The following SCIN variants were observed in gnomAD, a reference collection of about 807,000 sequenced individuals.
SCIN encodes the protein adseverin.
A neutral mutation model predicts 91.8 loss-of-function variants in SCIN; 91 were observed. The observed-to-expected ratio is 0.99, with a 90% CI of 0.84 to 1.18. SCIN has a LOEUF of 1.18. SCIN is among the 50% of genes most tolerant of loss of function. SCIN has a pLI of 0.00. For missense variants in SCIN, 1,087 were observed against 863.9 expected (o/e 1.26, Z -3.24); for synonymous variants, 367 against 312.6 (o/e 1.17, Z -1.84).
At chr7:12,578,363 A>G (rs1782418223) in intron 2 of SCIN, 145 bp downstream of exon 2, 1 of 634,570 alleles carries the variant, frequency 1.6e-6, no homozygotes, top group East Asian at 3.1e-5. Context: ...TCATGGATAT[A>G]TCCCCAGTAC....
At chr7:12,577,711 C>T (rs1035445037) in intron 1 of SCIN, 1 of 410,754 alleles carries the variant, frequency 2.4e-6, no homozygotes, top group Middle Eastern at 8.5e-4. Context: ...TGAGAATTAG[C>T]AAAGCATGGT....
intron 1 of SCIN, among the ~76,000 whole-genome samples, chr7:12,575,751 A>G: frequency 6.6e-6 from 1 of 151,884 alleles, no homozygotes; most frequent in African/African-American, 2.4e-5. Context: ...TGGAAATCAT[A>G]AGCAGATTCG....
intron 8 of SCIN, among the ~76,000 whole-genome samples, chr7:12,627,260 G>A (rs778779620): frequency 1.3e-4 from 20 of 151,964 alleles, no homozygotes; most frequent in Middle Eastern, 3.4e-3. Flanking sequence ...GACCCTTTCC[G>A]TCATCTTGGC....
At position 12,654,253 on chromosome 7, in the gene SCIN, A is replaced by G. The variant is rs1189070358; in HGVS notation, c.*1538A>G. 1 of 152,206 alleles carries G rather than the reference A, an allele frequency of 6.6e-6. No individual in the cohort carries two copies. Among genetic ancestry groups the G allele is most frequent in the Non-Finnish European group, 1.5e-5 (1 of 68,028 alleles). 9.4% of individuals were successfully genotyped at this position (152,206 alleles called of 1,614,324 possible). ...ATGGTAGAAGCTGCTGTCCCTTAGT[A>G]TTGAATATCTCTATTTTCTTTTAAT... On this transcript the variant is annotated 3_prime_UTR_variant, in exon 16 of 16. Transcript: ENST00000297029.
At chr7:12,604,466 T>C in intron 3 of SCIN, 48 bp from the exon 4 acceptor site, 1 of 1,505,342 alleles carries the variant, frequency 6.6e-7, no homozygotes, top group Non-Finnish European at 9.0e-7. Flanking sequence ...TGAGGCTGAA[T>C]GTCTTCCTCA....
intron 4 of SCIN, among the ~76,000 whole-genome samples, chr7:12,619,923 T>C (rs1042908144): frequency 5.9e-5 from 9 of 152,116 alleles, no homozygotes; most frequent in Non-Finnish European, 1.3e-4. Flanking sequence ...TTGAGTACAT[T>C]GAAGTTCAGG....
At chr7:12,571,092 C>A (rs1302493616) in intron 1 of SCIN, 107 bp downstream of exon 1, 7 of 1,238,568 alleles carry the variant, frequency 5.7e-6, no homozygotes, top group Admixed American at 2.8e-5. Flanking sequence ...GCAAACTGAG[C>A]TAGCCACTCG....
At position 12,634,548 on chromosome 7, in the gene SCIN, ACTTTT is replaced by A. The variant is rs1392117988; in HGVS notation, c.1320-1496_1320-1492del. 5.3e-5 allele frequency among the ~76,000 whole-genome samples: 8 copies of A among 152,170 alleles called. No homozygotes were observed. The East Asian group carries it at 1.5e-3, about 29-fold the overall frequency. On this transcript the variant is annotated intron_variant, in intron 9 of 15. Transcript: ENST00000297029. ...ACTTTTAATAGCAAAAACAGCAATTACTTTTGCACCAATCTAATAGTTAACTTTCA... is the reference window on the plus strand; with the variant it reads ...ACTTTTAATAGCAAAAACAGCAATTAGCACCAATCTAATAGTTAACTTTCA...
intron 2 of SCIN, among the ~76,000 whole-genome samples, chr7:12,579,423 C>T (rs972177422): frequency 5.3e-5 from 8 of 152,112 alleles, no homozygotes; most frequent in African/African-American, 1.9e-4. Context: ...TCAGTGAACT[C>T]AACATTTTAA....
chr7:12,574,649 G>A (rs542625588), intron 1 of SCIN, among the ~76,000 whole-genome samples: 1 of 152,092 alleles, frequency 6.6e-6, no homozygotes, highest in Non-Finnish European at 1.5e-5. Context: ...AAGCTATACT[G>A]TAATTTTACA....
intron 5 of SCIN, among the ~76,000 whole-genome samples, chr7:12,624,783 C>CA (rs931903038): frequency 2.6e-5 from 4 of 151,980 alleles, no homozygotes; most frequent in Admixed American, 2.0e-4. Flanking sequence ...AAAGGACTTT[C>CA]AAAAAAATTA....
At chr7:12,608,636 C>T (rs1583296438) in intron 4 of SCIN, among the ~76,000 whole-genome samples, 1 of 152,002 alleles carries the variant, frequency 6.6e-6, no homozygotes, top group South Asian at 2.1e-4. Flanking sequence ...CACCACCACA[C>T]CCAGCTAATT....
intron 9 of SCIN, among the ~76,000 whole-genome samples, chr7:12,634,486 CAAAA>C (rs11340159): frequency 7.1e-6 from 1 of 140,134 alleles, no homozygotes; most frequent in African/African-American, 2.6e-5. Context: ...ACTCCATCTC[CAAAA>C]AAAAAAAAAA....
chr7:12,573,763 G>A (rs1782315304), intron 1 of SCIN, among the ~76,000 whole-genome samples: 1 of 152,046 alleles, frequency 6.6e-6, no homozygotes, highest in East Asian at 1.9e-4. Flanking sequence ...CTTTCTCTTT[G>A]CCAGTTTTAA....
Position 12,655,028 on chromosome 7 carries a change from C to T in SCIN, c.*2313C>T, listed in dbSNP as rs1226569545. On this transcript the variant is annotated 3_prime_UTR_variant, in exon 16 of 16. Transcript: ENST00000297029. ...CTTCAGTATCCGCGGGAGATTGGCTCGAGGAACCCCATGGATACCAACATC... is the reference window on the plus strand; with the variant it reads ...CTTCAGTATCCGCGGGAGATTGGCTTGAGGAACCCCATGGATACCAACATC... The T allele has an allele frequency of 1.3e-5, 2 of 152,102 alleles. No individual in the cohort carries two copies. The highest frequency in any genetic ancestry group is 2.9e-5 in the Non-Finnish European group (2 of 67,996). 9.4% of individuals were successfully genotyped at this position (152,102 alleles called of 1,614,324 possible). A position where few individuals can be genotyped will look rare whatever the true frequency, so the allele number is the denominator to read the frequency against.
Position 12,626,763 on chromosome 7 carries a change from G to C in SCIN, c.1161G>C (p.Gln387His). The C allele has an allele frequency of 1.2e-6, 2 of 1,610,594 alleles. No homozygotes were observed. Among genetic ancestry groups the C allele is most frequent in the Non-Finnish European group, 1.7e-6 (2 of 1,178,474 alleles). The change falls in exon 8 of 16, where the codon CAG becomes CAC. Residue 387 changes from glutamine (Q) to histidine (H), a missense_variant. Gln to His is a conservative substitution (Grantham distance 24, BLOSUM62 0). Transcript: ENST00000297029. ...KLHSSPQMAA[Q>H]HNMVDDGSGK... ...ACAGTTCTCCGCAGATGGCAGCCCA[G>C]CACAATATGGTGGATGATGGTTCTG...
At chr7:12,590,525 G>A (rs955645299) in intron 3 of SCIN, among the ~76,000 whole-genome samples, 1 of 152,100 alleles carries the variant, frequency 6.6e-6, no homozygotes, top group Non-Finnish European at 1.5e-5. Flanking sequence ...TCTGCTCTTA[G>A]GGGAGGACGA....
At chr7:12,635,856 C>A (rs1429433918) in intron 9 of SCIN, among the ~76,000 whole-genome samples, 189 bp from the exon 10 acceptor site, 1 of 151,966 alleles carries the variant, frequency 6.6e-6, no homozygotes, top group African/African-American at 2.4e-5. Context: ...ATATACAGTT[C>A]TAGACAACAC....
At chr7:12,635,970 T>C in intron 9 of SCIN, 75 bp from the exon 10 acceptor site, 1 of 1,013,412 alleles carries the variant, frequency 9.9e-7, no homozygotes, top group Non-Finnish European at 1.5e-6. Context: ...ATAACTTGTC[T>C]CTGCTTGCAA....
Sources: allele counts gnomAD v4.1 joint callset (sites outside exome capture counted in the v4.1 genomes callset), GRCh38; gene constraint gnomAD v4.1.1; transcripts MANE v1.5; gene names NCBI Gene and HGNC (gene_info 2026-07-23, HGNC 2026-07-21).